The following TMEM163 variants were observed in gnomAD, a reference collection of about 807,000 sequenced individuals.
TMEM163 encodes transmembrane protein 163.
TMEM163 carries 17 observed loss-of-function variants against 29.3 expected under a neutral mutation model. That is an observed-to-expected ratio of 0.58 (90% CI 0.40 to 0.87). The LOEUF is 0.87. TMEM163 is among the 40% of genes least tolerant of loss of function. The pLI is 0.00. For synonymous variants in TMEM163, 157 were observed against 160.6 expected, an observed-to-expected ratio of 0.98 and a Z score of 0.17; for missense variants, 303 against 381.5, an observed-to-expected ratio of 0.79 and a Z score of 1.71.
intron 2 of TMEM163, among the ~76,000 whole-genome samples, chr2:134,709,331 A>C (rs1348827565): frequency 6.6e-6 from 1 of 152,226 alleles, no homozygotes; most frequent in Non-Finnish European, 1.5e-5. Flanking sequence ...AACAGATCCA[A>C]AATCACTACA....
At chr2:134,680,417 A>T (rs1013431956) in intron 2 of TMEM163, among the ~76,000 whole-genome samples, 1 of 152,146 alleles carries the variant, frequency 6.6e-6, no homozygotes, top group African/African-American at 2.4e-5. Context: ...GCACCACTGT[A>T]CTCCAACCTG....
chr2:134,491,978 C>T (rs765410009), intron 5 of TMEM163, among the ~76,000 whole-genome samples: 8 of 152,156 alleles, frequency 5.3e-5, no homozygotes, highest in Non-Finnish European at 7.3e-5. Context: ...CAGAGGTTTA[C>T]GTGGTTAGCA....
chr2:134,618,909 A>G (rs546806335), intron 2 of TMEM163, among the ~76,000 whole-genome samples: 2 of 152,296 alleles, frequency 1.3e-5, no homozygotes, highest in East Asian at 3.8e-4. Context: ...AAAAAAGACA[A>G]AGCTTCTATC....
intron 2 of TMEM163, among the ~76,000 whole-genome samples, chr2:134,674,008 G>A (rs2104868871): frequency 6.6e-6 from 1 of 152,250 alleles, no homozygotes; most frequent in African/African-American, 2.4e-5. Context: ...ACTGTCTCCT[G>A]AGCATCCACA....
At chr2:134,628,034 A>T (rs1184511677) in intron 2 of TMEM163, among the ~76,000 whole-genome samples, 2 of 152,204 alleles carry the variant, frequency 1.3e-5, no homozygotes, top group Non-Finnish European at 2.9e-5. Context: ...ATTATATATC[A>T]TTGAAAAAAT....
At chr2:134,529,729 T>C (rs1399822682) in intron 4 of TMEM163, among the ~76,000 whole-genome samples, 2 of 151,806 alleles carry the variant, frequency 1.3e-5, no homozygotes, top group Non-Finnish European at 2.9e-5. Context: ...CACACTATTG[T>C]ACTCTAGCCT....
chr2:134,572,232 C>T (rs1007741286), intron 2 of TMEM163, among the ~76,000 whole-genome samples: 1 of 152,180 alleles, frequency 6.6e-6, no homozygotes, highest in African/African-American at 2.4e-5. Flanking sequence ...AAGATGTCGT[C>T]AGCCACACCC....
intron 6 of TMEM163, among the ~76,000 whole-genome samples, chr2:134,461,477 G>A (rs1410358988): frequency 6.6e-6 from 1 of 152,108 alleles, no homozygotes; most frequent in Non-Finnish European, 1.5e-5. Flanking sequence ...CTCCCCCAGT[G>A]CTCTCTCATG....
At chr2:134,638,135 A>G (rs987796974) in intron 2 of TMEM163, among the ~76,000 whole-genome samples, 1 of 152,236 alleles carries the variant, frequency 6.6e-6, no homozygotes, top group African/African-American at 2.4e-5. Flanking sequence ...TTACCAATGT[A>G]CTTTGGAATT....
rs180832897 is a variant in TMEM163 at position 134,577,241 on chromosome 2, C to G, written c.323-25150G>C. On this transcript the variant is annotated intron_variant, in intron 2 of 7. Coordinates refer to ENST00000281924, the MANE Select transcript of TMEM163 (RefSeq NM_030923.5). ...GGACACCGTCGACTCTAATTTGATA[C>G]CTTCTGAGAGCCCAAATCTGTGTTC... Among the ~76,000 whole-genome samples the G allele has an allele frequency of 1.2e-3, 186 of 152,292 alleles. 1 individual carries two copies. Among genetic ancestry groups the G allele is most frequent in the Non-Finnish European group, 1.3e-3 (89 of 68,030 alleles).
At chr2:134,657,206 T>C (rs1683640694) in intron 2 of TMEM163, among the ~76,000 whole-genome samples, 1 of 152,220 alleles carries the variant, frequency 6.6e-6, no homozygotes, top group Non-Finnish European at 1.5e-5. Context: ...AGAATTCAGC[T>C]GTGAATCCAT....
chr2:134,471,964 G>A (rs1010637217), intron 5 of TMEM163, among the ~76,000 whole-genome samples: 1 of 152,230 alleles, frequency 6.6e-6, no homozygotes, highest in Admixed American at 6.5e-5. Flanking sequence ...CGATTTCCTT[G>A]CTGGGCATTC....
At position 134,491,688 on chromosome 2, in the gene TMEM163, C is replaced by T. The variant is rs188770182; in HGVS notation, c.555+11213G>A. Among the ~76,000 whole-genome samples the T allele has an allele frequency of 2.3e-3, 350 of 152,274 alleles. 1 individual carries two copies. The highest frequency in any genetic ancestry group is 7.9e-3 in the African/African-American group (330 of 41,550). On this transcript the variant is annotated intron_variant, in intron 5 of 7. Coordinates refer to ENST00000281924, the MANE Select transcript of TMEM163 (RefSeq NM_030923.5). ...TGTTATTAAATGGCAATGTGTCTAA[C>T]GCCTCTGCCTACTTCAGAAACACCC...
At chr2:134,476,025 T>C (rs55912459) in intron 5 of TMEM163, among the ~76,000 whole-genome samples, 9,650 of 152,296 alleles carry the variant, frequency 0.063, 892 homozygotes, top group East Asian at 0.28. Context: ...TGCACACCAG[T>C]GTTCTCAGCT....
At chr2:134,507,918 T>C (rs1679862521) in intron 4 of TMEM163, among the ~76,000 whole-genome samples, 1 of 152,010 alleles carries the variant, frequency 6.6e-6, no homozygotes, top group South Asian at 2.1e-4. Context: ...AAGGAAGCAA[T>C]GGTTAACAAG....
At chr2:134,489,095 C>T (rs1679373932) in intron 5 of TMEM163, among the ~76,000 whole-genome samples, 3 of 152,158 alleles carry the variant, frequency 2.0e-5, no homozygotes, top group Admixed American at 2.0e-4. Flanking sequence ...AGAGAAACAC[C>T]ATCCTCACAC....
At chr2:134,576,378 C>T (rs530617573) in intron 2 of TMEM163, among the ~76,000 whole-genome samples, 1 of 152,144 alleles carries the variant, frequency 6.6e-6, no homozygotes, top group South Asian at 2.1e-4. Flanking sequence ...TATGGCCACA[C>T]CTGGGGGAAA....
intron 2 of TMEM163, among the ~76,000 whole-genome samples, chr2:134,681,988 A>C (rs1226898763): frequency 1.3e-5 from 2 of 152,192 alleles, no homozygotes; most frequent in Non-Finnish European, 2.9e-5. Context: ...GCAAACACGC[A>C]ATTAAGAGAT....
intron 1 of TMEM163, among the ~76,000 whole-genome samples, chr2:134,715,969 G>A (rs1482375371): frequency 6.6e-6 from 1 of 152,148 alleles, no homozygotes; most frequent in Non-Finnish European, 1.5e-5. Context: ...ATTTTGGAGA[G>A]GGGAAAGGTA....
Sources: allele counts gnomAD v4.1 joint callset (sites outside exome capture counted in the v4.1 genomes callset), GRCh38; gene constraint gnomAD v4.1.1; transcripts MANE v1.5; gene names NCBI Gene and HGNC (gene_info 2026-07-23, HGNC 2026-07-21).